Variants in TRHDE observed in about 807,000 individuals in gnomAD.
TRHDE encodes the protein thyrotropin-releasing hormone-degrading ectoenzyme.
TRHDE carries 72 observed loss-of-function variants against 125.7 expected under a neutral mutation model. The observed-to-expected ratio is 0.57, with a 90% CI of 0.47 to 0.70. The LOEUF is 0.70. Ranked by LOEUF, TRHDE falls within the 30% of genes least tolerant of loss-of-function variation. TRHDE has a pLI of 0.00. For missense variants in TRHDE, 1,110 were observed against 1,327.1 expected (o/e 0.84, Z 2.54); for synonymous variants, 509 against 509.1 (o/e 1.00, Z 0.00).
chr12:72,159,064 C>T lies in TRHDE; in HGVS notation n.279+53312C>T, dbSNP rs1184403752. Among the ~76,000 whole-genome samples the T allele has an allele frequency of 2.6e-5, 4 of 152,162 alleles. No individual in the cohort carries two copies. The East Asian group carries it at 5.8e-4, about 22-fold the overall frequency. ...TAATTCTGTTTGATCTGTCAGTCTA[C>T]AATATGATTTTAATTACAGTAACTT... On this transcript the variant is annotated intron_variant and non_coding_transcript_variant, in intron 2 of 4. Transcript: ENST00000548156.
At chr12:72,595,218 C>G (rs1051649754) in intron 12 of TRHDE, among the ~76,000 whole-genome samples, 1 of 151,346 alleles carries the variant, frequency 6.6e-6, no homozygotes, top group Admixed American at 6.6e-5. Context: ...AGGTATGTAA[C>G]TAACCTGCAC....
At chr12:72,645,601 G>A (rs1253619589) in intron 15 of TRHDE, among the ~76,000 whole-genome samples, 1 of 151,884 alleles carries the variant, frequency 6.6e-6, no homozygotes, top group Admixed American at 6.6e-5. Context: ...AGAACGAAAT[G>A]GACATTCAGA....
chr12:72,636,572 G>C (rs923553099), intron 15 of TRHDE, among the ~76,000 whole-genome samples: 7 of 151,764 alleles, frequency 4.6e-5, no homozygotes, highest in Admixed American at 1.3e-4. Flanking sequence ...GGGCATCCCT[G>C]TCTTGTGCCA....
intron 2 of TRHDE, among the ~76,000 whole-genome samples, chr12:72,248,680 T>C (rs1403463548): frequency 6.6e-6 from 1 of 152,156 alleles, no homozygotes; most frequent in East Asian, 1.9e-4. Context: ...AGAATTGCTA[T>C]TGAGCCCTCC....
At chr12:72,152,126 G>C (rs902010505) in intron 2 of TRHDE, among the ~76,000 whole-genome samples, 1 of 151,392 alleles carries the variant, frequency 6.6e-6, no homozygotes, top group Non-Finnish European at 1.5e-5. Context: ...CTTGTAAGTT[G>C]GATTCCTAGG....
intron 2 of TRHDE, among the ~76,000 whole-genome samples, chr12:72,171,538 T>C (rs1876874251): frequency 6.6e-6 from 1 of 151,874 alleles, no homozygotes; most frequent in South Asian, 2.1e-4. Context: ...AGGAGAGGAG[T>C]ATAGCCTGGT....
intron 2 of TRHDE, among the ~76,000 whole-genome samples, chr12:72,361,350 G>A (rs1295666807): frequency 1.3e-5 from 2 of 151,780 alleles, no homozygotes; most frequent in East Asian, 3.9e-4. Flanking sequence ...TAAAAGATTG[G>A]ATTTTATGCT....
In TRHDE at chr12:72,670,653, T is replaced by C. The variant is rs926843912; in HGVS notation, c.*7458T>C. 1 of 151,760 alleles carries C rather than the reference T, an allele frequency of 6.6e-6. No individual in the cohort carries two copies. The highest frequency in any genetic ancestry group is 2.4e-5 in the African/African-American group (1 of 41,394). 9.4% of individuals were successfully genotyped at this position (151,760 alleles called of 1,614,324 possible). The stretch of plus-strand genomic sequence containing the variant: ...ATGGACTTTTTCATGACTATACACA[T>C]GCTGAGGCTAGAATAAAAACATATA... On this transcript the variant is annotated 3_prime_UTR_variant, in exon 19 of 19. Coordinates refer to ENST00000261180, the MANE Select transcript of TRHDE (RefSeq NM_013381.3).
At chr12:72,380,699 C>CTTCCTTCG (rs1410784160) in intron 3 of TRHDE, among the ~76,000 whole-genome samples, 14 of 113,520 alleles carry the variant, frequency 1.2e-4, no homozygotes, top group African/African-American at 4.7e-4. Context: ...CAGGCTGCAG[C>CTTCCTTCG]TTCCTTCCTT....
intron 2 of TRHDE, chr12:72,263,106 C>T (rs1209123145): frequency 6.6e-6 from 1 of 151,456 alleles, no homozygotes; most frequent in Non-Finnish European, 1.5e-5. Flanking sequence ...TTTAAAAAAC[C>T]CCATATAGTT....
chr12:72,332,144 C>T (rs1319150772), intron 2 of TRHDE, among the ~76,000 whole-genome samples: 4 of 129,506 alleles, frequency 3.1e-5, no homozygotes, highest in Non-Finnish European at 7.3e-5. Context: ...AGCTCCCAAA[C>T]TCTTTTTTTT....
At chr12:72,416,041 A>G (rs192822307) in intron 3 of TRHDE, among the ~76,000 whole-genome samples, 21 of 151,846 alleles carry the variant, frequency 1.4e-4, no homozygotes, top group African/African-American at 5.1e-4. Flanking sequence ...CCTTGCCAGC[A>G]TTTGTTATTG....
At chr12:72,484,965 G>A (rs944199097) in intron 5 of TRHDE, among the ~76,000 whole-genome samples, 16 of 152,128 alleles carry the variant, frequency 1.1e-4, no homozygotes, top group African/African-American at 3.9e-4. Context: ...GGAAGGGAAG[G>A]AAATTCATTG....
chr12:72,297,709 G>A (rs1179972693), intron 2 of TRHDE, among the ~76,000 whole-genome samples: 1 of 152,220 alleles, frequency 6.6e-6, no homozygotes, highest in African/African-American at 2.4e-5. Flanking sequence ...AATGGCAGAA[G>A]CTGAGAAAGT....
At chr12:72,632,780 T>C (rs1336403315) in intron 15 of TRHDE, among the ~76,000 whole-genome samples, 1 of 151,904 alleles carries the variant, frequency 6.6e-6, no homozygotes, top group Non-Finnish European at 1.5e-5. Flanking sequence ...TCTATTTGCT[T>C]TTTTTCTTTA....
intron 6 of TRHDE, among the ~76,000 whole-genome samples, chr12:72,507,716 T>C (rs1276495945): frequency 2.0e-5 from 3 of 152,184 alleles, no homozygotes; most frequent in Admixed American, 6.5e-5. Context: ...GTTGTAGAAA[T>C]GTGCATAAGA....
chr12:72,295,141 A>ATGGGGGGTGGTTGGGGGG (rs1226929420), intron 2 of TRHDE, among the ~76,000 whole-genome samples: 1 of 4,968 alleles, frequency 2.0e-4, no homozygotes, highest in African/African-American at 7.7e-4. Context: ...TGGCTGGGGG[A>ATGGGGGGTGGTTGGGGGG]TGGGGGGTGG....
intron 15 of TRHDE, among the ~76,000 whole-genome samples, chr12:72,630,064 A>T (rs1873430653): frequency 6.6e-6 from 1 of 150,638 alleles, no homozygotes; most frequent in South Asian, 2.1e-4. Context: ...AAAGTATTTG[A>T]AAAGTAGGAA....
intron 1 of TRHDE, among the ~76,000 whole-genome samples, chr12:72,281,143 C>T (rs1359136797): frequency 6.6e-6 from 1 of 152,098 alleles, no homozygotes; most frequent in Non-Finnish European, 1.5e-5. Flanking sequence ...ATACATATTG[C>T]TGGCATTATT....
Sources: allele counts gnomAD v4.1 joint callset (sites outside exome capture counted in the v4.1 genomes callset), GRCh38; gene constraint gnomAD v4.1.1; transcripts MANE v1.5; gene names NCBI Gene and HGNC (gene_info 2026-07-23, HGNC 2026-07-21).